Variants in PPP1R21 observed in about 807,000 individuals in gnomAD.
The protein encoded by PPP1R21 is KLRAQ motif containing 1.
PPP1R21 carries 85 observed loss-of-function variants against 112.8 expected under a neutral mutation model. The ratio of observed to expected loss-of-function variants is 0.75; its 90% CI spans 0.63 to 0.90. The LOEUF is 0.90. PPP1R21 is among the 40% of genes least tolerant of loss of function. The pLI is 0.00. For missense variants in PPP1R21, 1,199 were observed against 901.5 expected (o/e 1.33, Z -4.23); for synonymous variants, 381 against 322.3 (o/e 1.18, Z -1.95).
chr2:48,464,051 TA>T (rs144652166), intron 7 of PPP1R21, among the ~76,000 whole-genome samples: 2 of 151,894 alleles, frequency 1.3e-5, no homozygotes, highest in Non-Finnish European at 2.9e-5. Flanking sequence ...TTAGGCAGAG[TA>T]AATTGTAGTG....
At chr2:48,484,470 A>G (rs1669181153) in intron 13 of PPP1R21, among the ~76,000 whole-genome samples, 1 of 152,134 alleles carries the variant, frequency 6.6e-6, no homozygotes, top group African/African-American at 2.4e-5. Flanking sequence ...AATGTCAAGA[A>G]ACACTCTAAA....
chr2:48,463,382 G>T (rs1026401142), intron 7 of PPP1R21, among the ~76,000 whole-genome samples: 1 of 152,194 alleles, frequency 6.6e-6, no homozygotes, highest in African/African-American at 2.4e-5. Flanking sequence ...AAGGCGACTG[G>T]GTTTGGTGAC....
At chr2:48,462,541 C>G (rs187033774) in intron 7 of PPP1R21, among the ~76,000 whole-genome samples, 1 of 152,014 alleles carries the variant, frequency 6.6e-6, no homozygotes, top group Non-Finnish European at 1.5e-5. Context: ...TAAGGAATTA[C>G]GTGAAGTATG....
intron 15 of PPP1R21, among the ~76,000 whole-genome samples, chr2:48,492,204 C>G (rs990283637): frequency 6.6e-6 from 1 of 152,182 alleles, no homozygotes; most frequent in Non-Finnish European, 1.5e-5. Flanking sequence ...ATTCCAGTTC[C>G]TCTCTAGAGG....
At position 48,495,774 on chromosome 2, in the gene PPP1R21, A is replaced by T. The variant is rs1272038658; in HGVS notation, c.1692+3A>T. The T allele has an allele frequency of 6.4e-7, 1 of 1,550,530 alleles. No individual in the cohort carries two copies. The highest frequency in any genetic ancestry group is 8.9e-7 in the Non-Finnish European group (1 of 1,122,620). ...GTCGAGAAGGCCTTGCACAGCAAGTATGGCACTGGGAAAATTATGGAAATT... is the reference window on the plus strand; with the variant it reads ...GTCGAGAAGGCCTTGCACAGCAAGTTTGGCACTGGGAAAATTATGGAAATT... On this transcript the variant is annotated splice_donor_region_variant and intron_variant, in intron 16 of 21. Transcript: ENST00000294952.
chr2:48,514,252 A>AT (rs994138719), intron 21 of PPP1R21, among the ~76,000 whole-genome samples: 9 of 151,548 alleles, frequency 5.9e-5, no homozygotes, highest in African/African-American at 1.5e-4. Context: ...TGCCCGGCTA[A>AT]TTTTTTTGTA....
chr2:48,464,686 T>C lies in PPP1R21; in HGVS notation c.695-251T>C, dbSNP rs1668121984. Among the ~76,000 whole-genome samples, 9 of 152,152 alleles carry C rather than the reference T, an allele frequency of 5.9e-5. No homozygotes were observed. The South Asian group carries it at 1.9e-3, about 31-fold the overall frequency. ...ATAAGCCTGAAAGCAGTATTTGAAA[T>C]GATTTCTTAGAAATGGAAACACTGG... On this transcript the variant is annotated intron_variant, in intron 7 of 21. Transcript: ENST00000294952.
At chr2:48,491,374 C>A (rs930752823) in intron 15 of PPP1R21, among the ~76,000 whole-genome samples, 1 of 152,044 alleles carries the variant, frequency 6.6e-6, no homozygotes, top group African/African-American at 2.4e-5. Context: ...TGCCTATATT[C>A]GTAGGCCATG....
At chr2:48,452,078 G>A (rs1667501594) in intron 2 of PPP1R21, among the ~76,000 whole-genome samples, 2 of 152,136 alleles carry the variant, frequency 1.3e-5, no homozygotes, top group South Asian at 2.1e-4. Flanking sequence ...TTATAGTCAG[G>A]ATTTATTAGT....
chr2:48,508,023 C>T (rs1670469352), intron 19 of PPP1R21, among the ~76,000 whole-genome samples: 1 of 151,280 alleles, frequency 6.6e-6, no homozygotes. Flanking sequence ...CCTCAGCCTC[C>T]CAAAGTGCTG....
intron 17 of PPP1R21, among the ~76,000 whole-genome samples, chr2:48,502,214 G>C (rs1404873118): frequency 1.3e-5 from 2 of 152,168 alleles, no homozygotes; most frequent in African/African-American, 4.8e-5. Flanking sequence ...GTTGGGTTTG[G>C]TGACTTTAGA....
At chr2:48,471,213 C>T in intron 10 of PPP1R21, 25 bp downstream of exon 10, 2 of 1,605,402 alleles carry the variant, frequency 1.2e-6, no homozygotes, top group Non-Finnish European at 1.7e-6. Flanking sequence ...TGTTTTACTT[C>T]TGGAAACTGG....
intron 2 of PPP1R21, among the ~76,000 whole-genome samples, chr2:48,452,516 T>C (rs2103763475): frequency 6.7e-6 from 1 of 150,276 alleles, no homozygotes; most frequent in African/African-American, 2.4e-5. Flanking sequence ...CATAATTATA[T>C]ATTATAATTA....
chr2:48,479,459 T>C (rs967820975), intron 12 of PPP1R21: 13 of 471,702 alleles, frequency 2.8e-5, no homozygotes, highest in Admixed American at 2.6e-4. Context: ...CTTTAAGTGA[T>C]TGTCCTTTTT....
At chr2:48,474,547 C>A in intron 11 of PPP1R21, 136 bp from the exon 12 acceptor site, 2 of 693,672 alleles carry the variant, frequency 2.9e-6, no homozygotes, top group Non-Finnish European at 4.8e-6. Flanking sequence ...AAAAATGGAG[C>A]CATGCAAATG....
rs1310918539 is a variant in PPP1R21, at chr2:48,456,014, C to CA, written c.273+1295dup. ...TGGGTGGCAGAGTGAGACACTGTCT[C>CA]AAAAAAAAAAAAAAAAAAAAAATAG... On this transcript the variant is annotated intron_variant, in intron 3 of 21. Transcript: ENST00000294952. 5.1e-3 allele frequency among the ~76,000 whole-genome samples: 103 copies of CA among 20,106 alleles called. 1 individual carries two copies. Among genetic ancestry groups the CA allele is most frequent in the Admixed American group, 0.019 (41 of 2,120 alleles). 13.2% of individuals were successfully genotyped at this position (20,106 alleles called of 152,430 possible). A position where few individuals can be genotyped will look rare whatever the true frequency, so the allele number is the denominator to read the frequency against.
chr2:48,461,565 A>T (rs1667981384), intron 7 of PPP1R21, among the ~76,000 whole-genome samples: 1 of 152,170 alleles, frequency 6.6e-6, no homozygotes, highest in African/African-American at 2.4e-5. Context: ...GGTGGGGGAA[A>T]TGAGGCTTGG....
At chr2:48,509,591 G>T (rs1210857375) in intron 19 of PPP1R21, among the ~76,000 whole-genome samples, 1 of 151,844 alleles carries the variant, frequency 6.6e-6, no homozygotes, top group Admixed American at 6.6e-5. Flanking sequence ...TGTAATCCCA[G>T]CTACTCGGGA....
chr2:48,469,407 G>T lies in PPP1R21; in HGVS notation c.898-1680G>T, dbSNP rs541498304. ...TATATATATAGAGCATATATATATAGAGAGAGAGCATATATATATAGAGCA... is the reference window on the plus strand; with the variant it reads ...TATATATATAGAGCATATATATATATAGAGAGAGCATATATATATAGAGCA... On this transcript the variant is annotated intron_variant, in intron 9 of 21. Coordinates refer to ENST00000294952, the MANE Select transcript of PPP1R21 (RefSeq NM_001135629.3). Among the ~76,000 whole-genome samples, 21 of 43,744 alleles carry T rather than the reference G, an allele frequency of 4.8e-4. 4 individuals are homozygous for T. Among genetic ancestry groups the T allele is most frequent in the Non-Finnish European group, 9.9e-4 (15 of 15,206 alleles). The allele number at this position is 43,744 out of a possible 152,430, so 28.7% of individuals were successfully genotyped here. A position where few individuals can be genotyped will look rare whatever the true frequency, so the allele number is the denominator to read the frequency against.
Sources: allele counts gnomAD v4.1 joint callset (sites outside exome capture counted in the v4.1 genomes callset), GRCh38; gene constraint gnomAD v4.1.1; transcripts MANE v1.5; gene names NCBI Gene and HGNC (gene_info 2026-07-23, HGNC 2026-07-21).